The following LINGO2 variants were observed in gnomAD, a reference collection of about 807,000 sequenced individuals.
LINGO2 encodes the protein leucine rich repeat and Ig domain containing 2, also known as leucine-rich repeat and immunoglobulin-like domain-containing nogo receptor-interacting protein 2.
A neutral mutation model predicts 30.6 loss-of-function variants in LINGO2; 14 were observed. The observed-to-expected ratio is 0.46, with a 90% CI of 0.30 to 0.72. The LOEUF (loss-of-function observed/expected upper bound fraction) is 0.72. LINGO2 is among the 30% of genes least tolerant of loss of function. LINGO2 has a pLI of 0.07. For missense variants in LINGO2, 729 were observed against 751.7 expected (o/e 0.97, Z 0.35); for synonymous variants, 317 against 288.5 (o/e 1.10, Z -1.00).
intron 1 of LINGO2, among the ~76,000 whole-genome samples, chr9:28,610,246 G>A (rs964950415): frequency 3.9e-5 from 6 of 152,086 alleles, no homozygotes; most frequent in Non-Finnish European, 7.4e-5. Flanking sequence ...TTTAAAATAT[G>A]AATAGACAAG....
At chr9:27,948,865 T>C (rs1240056667) in exon 6 of LINGO2, 7 of 1,607,954 alleles carry the variant, frequency 4.4e-6, no homozygotes, top group African/African-American at 1.3e-5. Flanking sequence ...ATCATTTTCA[T>C]GTTGAACCTC....
chr9:28,386,923 T>C (rs369038071), intron 2 of LINGO2, among the ~76,000 whole-genome samples: 2 of 152,310 alleles, frequency 1.3e-5, no homozygotes, highest in South Asian at 4.1e-4. Context: ...GTATTGAAGA[T>C]ATAGTAAGAA....
intron 4 of LINGO2, among the ~76,000 whole-genome samples, chr9:28,286,702 C>T (rs751360381): frequency 5.3e-5 from 8 of 152,238 alleles, no homozygotes; most frequent in Admixed American, 2.0e-4. Flanking sequence ...AGCAAACTAA[C>T]ACAGGAATAG....
At chr9:28,971,112 T>C in the LINGO2 span, among the ~76,000 whole-genome samples, 1 of 152,116 alleles carries the variant, frequency 6.6e-6, no homozygotes, top group Non-Finnish European at 1.5e-5. Flanking sequence ...TCCTGGACGA[T>C]ATTTCCAGAC....
At chr9:27,985,033 G>A (rs1386809454) in intron 5 of LINGO2, among the ~76,000 whole-genome samples, 2 of 59,366 alleles carry the variant, frequency 3.4e-5, no homozygotes, top group Non-Finnish European at 3.6e-5. Context: ...AATTAGACAC[G>A]TTTCTCTTTG....
the LINGO2 span, among the ~76,000 whole-genome samples, chr9:29,183,470 A>T: frequency 6.6e-6 from 1 of 152,172 alleles, no homozygotes; most frequent in Non-Finnish European, 1.5e-5. Flanking sequence ...TGGAGTTCAA[A>T]AAGTAAGGGC....
At chr9:28,970,928 C>T in the LINGO2 span, among the ~76,000 whole-genome samples, 3 of 152,042 alleles carry the variant, frequency 2.0e-5, no homozygotes, top group South Asian at 2.1e-4. Flanking sequence ...TGGCATCACT[C>T]GTCCCTAAAG....
chr9:28,512,724 C>T (rs1163696703), intron 1 of LINGO2, among the ~76,000 whole-genome samples: 2 of 148,206 alleles, frequency 1.3e-5, no homozygotes, highest in African/African-American at 5.0e-5. Flanking sequence ...ATTAGTTACA[C>T]AATCACAAGG....
chr9:28,731,149 C>T, the LINGO2 span, among the ~76,000 whole-genome samples: 4 of 151,962 alleles, frequency 2.6e-5, no homozygotes, highest in Non-Finnish European at 5.9e-5. Context: ...ACCACCACAC[C>T]CGGCTAATTT....
At chr9:28,792,087 G>A in the LINGO2 span, among the ~76,000 whole-genome samples, 1 of 151,158 alleles carries the variant, frequency 6.6e-6, no homozygotes, top group Admixed American at 6.6e-5. Flanking sequence ...TTATGTACAG[G>A]GAGAAAGAGA....
At chr9:28,631,528 G>C (rs1341203766) in intron 1 of LINGO2, among the ~76,000 whole-genome samples, 2 of 152,018 alleles carry the variant, frequency 1.3e-5, no homozygotes, top group Admixed American at 6.6e-5. Context: ...TCTTGTTTTT[G>C]TCAGGTTTGT....
chr9:28,270,852 T>C (rs1822914313), intron 4 of LINGO2, among the ~76,000 whole-genome samples: 1 of 152,162 alleles, frequency 6.6e-6, no homozygotes, highest in African/African-American at 2.4e-5. Flanking sequence ...GTTTCTTCTA[T>C]AATCCAGACT....
intron 4 of LINGO2, among the ~76,000 whole-genome samples, chr9:28,186,942 C>T (rs1306545493): frequency 2.0e-5 from 3 of 152,200 alleles, no homozygotes; most frequent in Non-Finnish European, 4.4e-5. Context: ...TGAGATTCAA[C>T]ATCATCAGGG....
chr9:27,949,321 A>C, exon 6 of LINGO2: 2 of 1,614,104 alleles, frequency 1.2e-6, no homozygotes, highest in Non-Finnish European at 8.5e-7. Flanking sequence ...GTGGTGATGA[A>C]ACGCCTTCGG....
intron 1 of LINGO2, among the ~76,000 whole-genome samples, chr9:28,590,270 A>G (rs1824809589): frequency 6.6e-6 from 1 of 152,154 alleles, no homozygotes; most frequent in African/African-American, 2.4e-5. Flanking sequence ...CTAAAACACC[A>G]AAAGCAATGG....
At chr9:28,664,415 C>A (rs746365178) in intron 1 of LINGO2, among the ~76,000 whole-genome samples, 1 of 152,026 alleles carries the variant, frequency 6.6e-6, no homozygotes, top group Admixed American at 6.6e-5. Context: ...ACTACTCACT[C>A]GCAATTTAAG....
chr9:28,107,453 A>G (rs921681850), intron 4 of LINGO2, among the ~76,000 whole-genome samples: 11 of 152,134 alleles, frequency 7.2e-5, no homozygotes, highest in Non-Finnish European at 1.6e-4. Context: ...TGGTTAATCT[A>G]TAAATCATTG....
At chr9:28,858,402 T>G in the LINGO2 span, among the ~76,000 whole-genome samples, 1 of 152,048 alleles carries the variant, frequency 6.6e-6, no homozygotes, top group Admixed American at 6.6e-5. Flanking sequence ...AATGTAGAAC[T>G]ACTGATCTAA....
the LINGO2 span, among the ~76,000 whole-genome samples, chr9:29,159,164 C>A: frequency 6.6e-6 from 1 of 152,092 alleles, no homozygotes; most frequent in African/African-American, 2.4e-5. Flanking sequence ...CTGAGCTACA[C>A]AAAAAAGATG....
Sources: allele counts gnomAD v4.1 joint callset (sites outside exome capture counted in the v4.1 genomes callset), GRCh38; gene constraint gnomAD v4.1.1; transcripts MANE v1.5; gene names NCBI Gene and HGNC (gene_info 2026-07-23, HGNC 2026-07-21).